The following DLG2 variants were observed in gnomAD, a reference collection of about 807,000 sequenced individuals.
The protein encoded by DLG2 is discs large MAGUK scaffold protein 2, also known as disks large homolog 2.
DLG2 carries 45 observed loss-of-function variants against 132.5 expected under a neutral mutation model. The observed-to-expected ratio is 0.34, with a 90% confidence interval of 0.27 to 0.44. The LOEUF is 0.44. DLG2 is among the 20% of genes least tolerant of loss of function. The probability of loss-of-function intolerance (pLI) is 1.00; values close to 1 mark genes in which losing one functional copy is unlikely to be tolerated. For synonymous variants in DLG2, 424 were observed against 419.6 expected (o/e 1.01, Z -0.13); for missense variants, 1,045 against 1,196.9 (o/e 0.87, Z 1.87).
intron 6 of DLG2, among the ~76,000 whole-genome samples, chr11:84,947,652 T>C (rs576698461): frequency 1.3e-5 from 2 of 152,288 alleles, no homozygotes; most frequent in South Asian, 4.1e-4. Flanking sequence ...TATATAGAAA[T>C]TTCTGAATAA....
At chr11:84,076,816 T>C (rs1046533140) in intron 10 of DLG2, among the ~76,000 whole-genome samples, 2 of 152,224 alleles carry the variant, frequency 1.3e-5, no homozygotes, top group African/African-American at 4.8e-5. Context: ...TCTCCTTTCC[T>C]GCATCACTTC....
intron 11 of DLG2, among the ~76,000 whole-genome samples, chr11:84,015,271 T>C (rs2095112720): frequency 6.6e-6 from 1 of 152,132 alleles, no homozygotes; most frequent in Non-Finnish European, 1.5e-5. Context: ...AGAAAGATGA[T>C]TACGTATGAA....
chr11:84,523,333 A>G (rs1591514263), intron 7 of DLG2, among the ~76,000 whole-genome samples: 1 of 152,264 alleles, frequency 6.6e-6, no homozygotes, highest in East Asian at 1.9e-4. Context: ...AAGTTAATAG[A>G]TTTACTAATA....
At chr11:83,526,825 A>G (rs1018812849) in intron 21 of DLG2, among the ~76,000 whole-genome samples, 22 of 151,922 alleles carry the variant, frequency 1.4e-4, no homozygotes, top group African/African-American at 3.9e-4. Flanking sequence ...TAATCCTTCA[A>G]CGCCCCCTAA....
intron 17 of DLG2, among the ~76,000 whole-genome samples, chr11:83,803,382 T>C (rs1195610802): frequency 2.0e-5 from 3 of 152,132 alleles, no homozygotes; most frequent in Admixed American, 2.0e-4. Context: ...GGCTCATGTG[T>C]GTTAAATGTT....
chr11:84,174,086 A>G (rs2095888063), intron 8 of DLG2, among the ~76,000 whole-genome samples: 2 of 142,952 alleles, frequency 1.4e-5, no homozygotes, highest in African/African-American at 5.3e-5. Context: ...CTAAAACAGA[A>G]CAGATGCTCT....
intron 6 of DLG2, chr11:84,923,005 C>T: frequency 6.3e-7 from 1 of 1,589,102 alleles, no homozygotes; most frequent in Non-Finnish European, 8.6e-7. Context: ...CCTGAAGCTA[C>T]ACAAGGTAGA....
At chr11:84,097,266 G>C (rs906511540) in intron 10 of DLG2, among the ~76,000 whole-genome samples, 2 of 152,214 alleles carry the variant, frequency 1.3e-5, no homozygotes, top group Middle Eastern at 3.4e-3. Context: ...CGTTAGCCCA[G>C]TTTTACCAAG....
At chr11:83,649,272 C>A (rs2069273802) in intron 18 of DLG2, among the ~76,000 whole-genome samples, 1 of 152,100 alleles carries the variant, frequency 6.6e-6, no homozygotes, top group South Asian at 2.1e-4. Flanking sequence ...GTTCTATGAT[C>A]AAGCCCAGTG....
intron 18 of DLG2, among the ~76,000 whole-genome samples, chr11:83,764,887 C>G (rs1407024135): frequency 6.6e-6 from 1 of 152,192 alleles, no homozygotes; most frequent in Non-Finnish European, 1.5e-5. Context: ...TGAGGAGAGA[C>G]AAACTCGGCT....
chr11:84,940,693 GTTGA>G (rs1400177879), intron 6 of DLG2, among the ~76,000 whole-genome samples: 34 of 152,128 alleles, frequency 2.2e-4, no homozygotes. Flanking sequence ...TCTTCAGTTT[GTTGA>G]TTGTTTCTTT....
At chr11:84,379,423 G>T (rs2098741646) in intron 7 of DLG2, among the ~76,000 whole-genome samples, 2 of 151,930 alleles carry the variant, frequency 1.3e-5, no homozygotes, top group Admixed American at 6.6e-5. Flanking sequence ...TAAACAGCAG[G>T]TTAGACACAC....
intron 10 of DLG2, among the ~76,000 whole-genome samples, chr11:84,092,729 T>C (rs1285504101): frequency 6.6e-6 from 1 of 152,118 alleles, no homozygotes; most frequent in Non-Finnish European, 1.5e-5. Context: ...GTTCCTAGAA[T>C]TGTTTCCTAG....
At chr11:83,672,546 C>T (rs759906052) in intron 18 of DLG2, among the ~76,000 whole-genome samples, 1 of 152,160 alleles carries the variant, frequency 6.6e-6, no homozygotes, top group Non-Finnish European at 1.5e-5. Flanking sequence ...GCTCAGTGTA[C>T]TCCTAACAAT....
chr11:85,507,913 T>A (rs2093972056), intron 3 of DLG2, among the ~76,000 whole-genome samples: 1 of 152,146 alleles, frequency 6.6e-6, no homozygotes, highest in South Asian at 2.1e-4. Context: ...TTCTTTTCAC[T>A]CTTTTTTCTC....
At chr11:85,536,592 G>C (rs1321522679) in intron 3 of DLG2, among the ~76,000 whole-genome samples, 1 of 152,222 alleles carries the variant, frequency 6.6e-6, no homozygotes, top group Non-Finnish European at 1.5e-5. Context: ...GCTGGAGCCG[G>C]CTCCCTCTGC....
intron 19 of DLG2, among the ~76,000 whole-genome samples, chr11:83,556,054 C>A (rs111423099): frequency 6.6e-6 from 1 of 152,296 alleles, no homozygotes; most frequent in African/African-American, 2.4e-5. Flanking sequence ...TTAGTCCTCA[C>A]AGGAGTAACC....
chr11:84,166,512 A>G (rs1282913200), intron 8 of DLG2, among the ~76,000 whole-genome samples: 7 of 147,956 alleles, frequency 4.7e-5, no homozygotes, highest in Admixed American at 3.3e-4. Context: ...AAAAAAAAAA[A>G]AAAAAAAAGA....
At chr11:85,099,945 CA>C (rs981330557) in intron 6 of DLG2, among the ~76,000 whole-genome samples, 4 of 152,140 alleles carry the variant, frequency 2.6e-5, no homozygotes, top group African/African-American at 9.7e-5. Context: ...CCTTCATCAC[CA>C]AAGGCTAGAA....
Sources: gnomAD v4.1 joint callset for allele counts (sites outside exome capture counted in the v4.1 genomes callset) on GRCh38, gnomAD v4.1.1 for gene constraint, MANE v1.5 for transcripts, NCBI Gene and HGNC (gene_info 2026-07-23, HGNC 2026-07-21) for gene names.